PRSS23: variants seen among roughly 807,000 people sequenced by gnomAD.
PRSS23 encodes the protein serine protease 23.
PRSS23 carries 25 observed loss-of-function variants against 34.7 expected under a neutral mutation model. The ratio of observed to expected loss-of-function variants is 0.72; its 90% CI spans 0.53 to 1.01. The LOEUF is 1.01. Among genes scored for constraint, PRSS23 ranks in the 50% least tolerant of loss-of-function variants. The pLI is 0.00. For missense variants in PRSS23, 445 were observed against 475.6 expected (o/e 0.94, Z 0.60); for synonymous variants, 176 against 186.6 (o/e 0.94, Z 0.46).
intron 2 of PRSS23, among the ~76,000 whole-genome samples, chr11:86,855,232 G>C (rs11234830): frequency 6.6e-6 from 1 of 151,502 alleles, no homozygotes; most frequent in Non-Finnish European, 1.5e-5. Flanking sequence ...GAAGAGTATA[G>C]AAGGGTGTGA....
chr11:86,800,265 C>T (rs1407308690), upstream of PRSS23: 1 of 179,952 alleles, frequency 5.6e-6, no homozygotes, highest in African/African-American at 2.4e-5. Flanking sequence ...GGAGAGCCCG[C>T]CAGAGCCGGT....
intron 2 of PRSS23, among the ~76,000 whole-genome samples, chr11:86,841,071 G>A (rs1427761877): frequency 1.3e-5 from 2 of 152,058 alleles, no homozygotes; most frequent in East Asian, 3.9e-4. Context: ...CAGGCGAGGT[G>A]GCACATACCT....
intron 2 of PRSS23, among the ~76,000 whole-genome samples, chr11:86,892,852 A>G (rs1420344246): frequency 2.0e-5 from 3 of 152,214 alleles, no homozygotes; most frequent in Non-Finnish European, 4.4e-5. Context: ...ACCTCTTCTC[A>G]TAATAAGAAA....
chr11:86,820,559 C>G (rs553419947), intron 1 of PRSS23, among the ~76,000 whole-genome samples: 2 of 152,178 alleles, frequency 1.3e-5, no homozygotes, highest in South Asian at 4.2e-4. Context: ...TTATGTAGCA[C>G]AGTAAAATTA....
intron 2 of PRSS23, among the ~76,000 whole-genome samples, chr11:86,941,593 C>G (rs141078337): frequency 6.6e-4 from 101 of 152,314 alleles, no homozygotes; most frequent in African/African-American, 2.3e-3. Context: ...CTTTTGGACT[C>G]CAAGTTGGAC....
At position 86,807,665 on chromosome 11, in the gene PRSS23, C is replaced by G; in HGVS notation, c.22C>G (p.Leu8Val). MAGIPGL[L>V]FLLFFLLCAV... is the part of the protein sequence containing the mutation. ...CGGCATGGCAGGGATTCCAGGGCTC[C>G]TCTTCCTTCTCTTCTTTCTGCTCTG... Residue 8 changes from leucine to valine, a missense_variant, in exon 2 of 2, where the codon CTC becomes GTC. Coordinates refer to ENST00000280258, the MANE Select transcript of PRSS23 (RefSeq NM_007173.6). 1 of 1,611,432 alleles carries G rather than the reference C, an allele frequency of 6.2e-7. No homozygotes were observed. The highest frequency in any genetic ancestry group is 1.3e-5 in the African/African-American group (1 of 74,930).
intron 2 of PRSS23, among the ~76,000 whole-genome samples, chr11:86,889,430 G>T (rs1365748830): frequency 6.6e-6 from 1 of 152,196 alleles, no homozygotes; most frequent in East Asian, 1.9e-4. Flanking sequence ...AGCAGGTTTG[G>T]TGTCTTGCAA....
At chr11:86,867,929 A>C (rs1948661289) in intron 2 of PRSS23, among the ~76,000 whole-genome samples, 1 of 151,580 alleles carries the variant, frequency 6.6e-6, no homozygotes, top group African/African-American at 2.4e-5. Flanking sequence ...GGAGGTATGG[A>C]AAAGAAGTGA....
rs868385516 is a variant in PRSS23 at position 86,824,164 on chromosome 11, C to T, written c.206+571C>T. ...CTGTACAAAAACTTCAAAAATTAGCCGGGCATGGCCCCGTATGCCTGTGGT... is the reference window on the plus strand; with the variant it reads ...CTGTACAAAAACTTCAAAAATTAGCTGGGCATGGCCCCGTATGCCTGTGGT... On this transcript the variant is annotated intron_variant, in intron 2 of 2. Coordinates refer to the PRSS23 transcript ENST00000533902. 1.2e-3 allele frequency among the ~76,000 whole-genome samples: 187 copies of T among 151,224 alleles called. 1 individual carries two copies. The highest frequency in any genetic ancestry group is 4.3e-3 in the African/African-American group (176 of 41,308).
chr11:86,819,210 G>A (rs1022909456), intron 1 of PRSS23, among the ~76,000 whole-genome samples: 1 of 152,254 alleles, frequency 6.6e-6, no homozygotes, highest in Middle Eastern at 3.4e-3. Flanking sequence ...AAAAACCTTT[G>A]AGTTTCTGTA....
At chr11:86,792,000 A>T (rs886514398) in intron 1 of PRSS23, among the ~76,000 whole-genome samples, 3 of 152,176 alleles carry the variant, frequency 2.0e-5, no homozygotes, top group African/African-American at 7.2e-5. Context: ...AAATCCCTAT[A>T]ATCTCCTTAC....
intron 2 of PRSS23, among the ~76,000 whole-genome samples, chr11:86,846,964 C>T (rs976286556): frequency 6.6e-5 from 10 of 152,232 alleles, no homozygotes; most frequent in Non-Finnish European, 1.2e-4. Context: ...GATAAACTTT[C>T]CCCTTCCTTG....
intron 2 of PRSS23, among the ~76,000 whole-genome samples, chr11:86,886,437 G>C (rs1294336101): frequency 6.6e-6 from 1 of 152,196 alleles, no homozygotes; most frequent in African/African-American, 2.4e-5. Context: ...GTCCTGTGAA[G>C]TTGCGTGAAG....
intron 2 of PRSS23, among the ~76,000 whole-genome samples, chr11:86,907,226 G>A (rs138749845): frequency 1.1e-4 from 17 of 152,198 alleles, no homozygotes; most frequent in African/African-American, 4.1e-4. Flanking sequence ...ATTGACTGAT[G>A]GATAATGTTG....
exon 3 of PRSS23, chr11:86,951,517 C>T: frequency 1.2e-6 from 2 of 1,614,130 alleles, no homozygotes; most frequent in Non-Finnish European, 8.5e-7. Flanking sequence ...GAATTTTGAA[C>T]AAGGCCACCA....
intron 1 of PRSS23, among the ~76,000 whole-genome samples, chr11:86,803,029 A>G (rs1948058404): frequency 6.6e-6 from 1 of 152,238 alleles, no homozygotes; most frequent in South Asian, 2.1e-4. Flanking sequence ...ATTACTAAGC[A>G]TGGTGAAAAA....
intron 1 of PRSS23, among the ~76,000 whole-genome samples, chr11:86,817,560 TAG>T (rs1433357310): frequency 1.3e-5 from 2 of 152,300 alleles, no homozygotes; most frequent in East Asian, 3.9e-4. Flanking sequence ...GAACACCAAT[TAG>T]AGTTTCTTTT....
chr11:86,840,796 A>G (rs778511416), intron 2 of PRSS23, among the ~76,000 whole-genome samples: 1 of 152,210 alleles, frequency 6.6e-6, no homozygotes, highest in Non-Finnish European at 1.5e-5. Context: ...ACAATTCAGG[A>G]TTAAGATACT....
intron 2 of PRSS23, among the ~76,000 whole-genome samples, chr11:86,928,663 A>G (rs1949100361): frequency 8.4e-6 from 1 of 119,386 alleles, no homozygotes; most frequent in Non-Finnish European, 1.8e-5. Flanking sequence ...CGACAAAGCA[A>G]GACTCTGTCT....
Sources: gnomAD v4.1 joint callset for allele counts (sites outside exome capture counted in the v4.1 genomes callset) on GRCh38, gnomAD v4.1.1 for gene constraint, MANE v1.5 for transcripts, NCBI Gene and HGNC (gene_info 2026-07-23, HGNC 2026-07-21) for gene names.